The following SNX25 variants were observed in gnomAD, a reference collection of about 807,000 sequenced individuals.
SNX25 encodes sorting nexin-25.
Under a neutral mutation model 113.7 loss-of-function variants are expected in SNX25, and 62 were observed. The ratio of observed to expected loss-of-function variants is 0.55; its 90% CI spans 0.44 to 0.67. The LOEUF is 0.67. Among genes scored for constraint, SNX25 ranks in the 30% least tolerant of loss-of-function variants. The pLI is 0.00. For synonymous variants in SNX25, 421 were observed against 436.2 expected, an observed-to-expected ratio of 0.97 and a Z score of 0.43; for missense variants, 1,014 against 1,161.0, an observed-to-expected ratio of 0.87 and a Z score of 1.84.
intron 5 of SNX25, among the ~76,000 whole-genome samples, chr4:185,278,142 G>A (rs993848049): frequency 1.3e-5 from 2 of 152,170 alleles, no homozygotes; most frequent in African/African-American, 2.4e-5. Flanking sequence ...TCATGAGGTG[G>A]CACAAGCCTC....
chr4:185,211,670 G>T (rs1435813627), intron 1 of SNX25, among the ~76,000 whole-genome samples: 2 of 152,186 alleles, frequency 1.3e-5, no homozygotes, highest in Non-Finnish European at 2.9e-5. Flanking sequence ...GCTCTCTGGA[G>T]ATCTTATGGG....
chr4:185,302,364 G>A (rs930057933), intron 6 of SNX25, among the ~76,000 whole-genome samples: 1 of 152,164 alleles, frequency 6.6e-6, no homozygotes, highest in Non-Finnish European at 1.5e-5. Context: ...GCCTAGACTT[G>A]CAACTAGTGT....
chr4:185,243,825 CTG>C (rs1031710392), intron 1 of SNX25, among the ~76,000 whole-genome samples: 56 of 152,116 alleles, frequency 3.7e-4, no homozygotes, highest in African/African-American at 1.3e-3. Context: ...GGTAGTAGAT[CTG>C]TAACTAGGAA....
chr4:185,351,478 G>A lies in SNX25; in HGVS notation c.2335G>A (p.Glu779Lys). 1 of 1,614,164 alleles carries A rather than the reference G, an allele frequency of 6.2e-7. No homozygotes were observed. Among genetic ancestry groups the A allele is most frequent in the South Asian group, 1.1e-5 (1 of 91,070 alleles). The change falls in exon 14 of 19, where the codon GAA becomes AAA. Residue 779 changes from glutamate to lysine, a missense_variant. Coordinates refer to ENST00000652585, the MANE Select transcript of SNX25 (RefSeq NM_001378034.2). Reference protein sequence around the residue: ...LLSDERLCQSEALYAFLSPSP... With the variant: ...LLSDERLCQSKALYAFLSPSP... ...TTCAGATGAAAGACTGTGTCAGAGT[G>A]AAGCACTTTATGCCTTCTTGAGCCC...
intron 6 of SNX25, among the ~76,000 whole-genome samples, chr4:185,304,174 C>T (rs560657192): frequency 6.6e-6 from 1 of 152,226 alleles, no homozygotes; most frequent in African/African-American, 2.4e-5. Context: ...GAGACATGTT[C>T]TCACTCTGTC....
At chr4:185,278,895 T>C (rs1195407370) in intron 5 of SNX25, among the ~76,000 whole-genome samples, 2 of 152,104 alleles carry the variant, frequency 1.3e-5, no homozygotes, top group African/African-American at 4.8e-5. Flanking sequence ...TAGATATGGA[T>C]AGCACAGCAA....
intron 1 of SNX25, among the ~76,000 whole-genome samples, chr4:185,221,815 G>GC (rs1560900698): frequency 6.6e-6 from 1 of 151,970 alleles, no homozygotes; most frequent in African/African-American, 2.4e-5. Flanking sequence ...GCATGCTGCT[G>GC]CCCCCTTTAT....
rs1411466333 is a variant in SNX25, at chr4:185,362,688, A to G, written c.2911A>G (p.Arg971Gly). 6.2e-7 allele frequency: 1 copy of G among 1,614,146 alleles called. No individual in the cohort carries two copies. The highest frequency in any genetic ancestry group is 8.5e-7 in the Non-Finnish European group (1 of 1,179,990). ...IKIFNALQET[R>G]ANKHLLYALM... ...AATATTCAATGCACTGCAAGAAACAAGAGCCAACAAGCATCTGTTATATGT... is the reference window on the plus strand; with the variant it reads ...AATATTCAATGCACTGCAAGAAACAGGAGCCAACAAGCATCTGTTATATGT... Residue 971 changes from arginine (R) to glycine (G), a missense_variant, in exon 18 of 19, where the codon AGA becomes GGA. Arg to Gly is a moderately radical substitution (Grantham distance 125). Transcript: ENST00000652585.
rs963647090 is a variant in SNX25 at position 185,323,464 on chromosome 4, A to G, written c.1477-64A>G. ...TCTGACTTTCAAATGCAAATAATTC[A>G]GAGAAAAATAATTTCTCTCAGAGAT... On this transcript the variant is annotated intron_variant, in intron 8 of 18. Coordinates refer to ENST00000652585, the MANE Select transcript of SNX25 (RefSeq NM_001378034.2). 2.7e-6 allele frequency: 4 copies of G among 1,479,106 alleles called. No homozygotes were observed. In the African/African-American group the frequency reaches 5.7e-5, roughly 21 times the overall value. 91.6% of individuals were successfully genotyped at this position (1,479,106 alleles called of 1,614,324 possible).
the SNX25 span, chr4:185,377,135 A>C: frequency 1.3e-6 from 1 of 766,604 alleles, no homozygotes. Flanking sequence ...TCTAGTGCTC[A>C]TTCCTACAAC....
intron 6 of SNX25, among the ~76,000 whole-genome samples, chr4:185,300,211 G>C (rs1753441136): frequency 1.3e-5 from 2 of 151,732 alleles, no homozygotes; most frequent in South Asian, 4.2e-4. Context: ...CCAGGCCGGA[G>C]TGCGATGGCA....
rs572262910 is a variant in SNX25 at position 185,211,613 on chromosome 4, A to G, written c.429+1358A>G. The stretch of plus-strand genomic sequence containing the variant: ...ATTGAGCATCTTGTGTGAGCCAGGT[A>G]CTGTTTTGGAAGCTGAGTTTGAATC... On this transcript the variant is annotated intron_variant, in intron 1 of 18. Coordinates refer to ENST00000652585, the MANE Select transcript of SNX25 (RefSeq NM_001378034.2). 1.6e-4 allele frequency among the ~76,000 whole-genome samples: 24 copies of G among 152,326 alleles called. 1 individual carries two copies. In the South Asian group the frequency reaches 3.9e-3, roughly 25 times the overall value.
chr4:185,239,799 T>G (rs1743377188), intron 1 of SNX25, among the ~76,000 whole-genome samples: 1 of 148,050 alleles, frequency 6.8e-6, no homozygotes. Flanking sequence ...TATTGATCAT[T>G]CTTGGGTGTT....
chr4:185,236,746 T>C (rs1742707502), intron 1 of SNX25, among the ~76,000 whole-genome samples: 1 of 152,228 alleles, frequency 6.6e-6, no homozygotes, highest in African/African-American at 2.4e-5. Context: ...CAATAATTTA[T>C]TGTTGTCAGA....
intron 8 of SNX25, among the ~76,000 whole-genome samples, chr4:185,323,116 C>T (rs1016677991): frequency 1.3e-5 from 2 of 152,106 alleles, no homozygotes; most frequent in African/African-American, 4.8e-5. Context: ...TTCTGAGTTA[C>T]ACAATTATTA....
At chr4:185,261,349 G>T (rs1476461082) in intron 3 of SNX25, among the ~76,000 whole-genome samples, 2 of 152,052 alleles carry the variant, frequency 1.3e-5, no homozygotes, top group East Asian at 1.9e-4. Context: ...GCTACATTTT[G>T]TATTTTTAGT....
At chr4:185,340,792 G>A (rs79766561) in intron 11 of SNX25, among the ~76,000 whole-genome samples, 3,093 of 152,250 alleles carry the variant, frequency 0.02, 74 homozygotes, top group African/African-American at 0.052. Context: ...TGCCCTGGCC[G>A]TCAGTTGCTG....
chr4:185,258,171 T>G (rs1441485571), intron 2 of SNX25, among the ~76,000 whole-genome samples: 1 of 152,184 alleles, frequency 6.6e-6, no homozygotes. Flanking sequence ...CTTGGCCCAG[T>G]TGATGGTGAA....
intron 6 of SNX25, among the ~76,000 whole-genome samples, chr4:185,307,304 A>T (rs1042119746): frequency 1.3e-5 from 2 of 152,238 alleles, no homozygotes; most frequent in African/African-American, 4.8e-5. Flanking sequence ...GAGACAAAAC[A>T]CAAATGCTCT....
Sources: gnomAD v4.1 joint callset for allele counts (sites outside exome capture counted in the v4.1 genomes callset) on GRCh38, gnomAD v4.1.1 for gene constraint, MANE v1.5 for transcripts, NCBI Gene and HGNC (gene_info 2026-07-23, HGNC 2026-07-21) for gene names.